Variants in SH3BGRL2 observed in about 807,000 individuals in gnomAD.
The protein encoded by SH3BGRL2 is SH3 domain-binding glutamic acid-rich-like protein 2.
SH3BGRL2 carries 21 observed loss-of-function variants against 14.8 expected under a neutral mutation model. That is an observed-to-expected ratio of 1.42 (90% CI 1.01 to 2.05). The LOEUF (loss-of-function observed/expected upper bound fraction) is 2.05, where lower values mean the gene tolerates loss of function less well. Among genes scored for constraint, SH3BGRL2 ranks in the 30% most tolerant of loss-of-function variants. The probability of loss-of-function intolerance (pLI) is 0.00; values close to 1 mark genes in which losing one functional copy is unlikely to be tolerated. For missense variants in SH3BGRL2, 147 were observed against 130.8 expected, an observed-to-expected ratio of 1.12 and a Z score of -0.61; for synonymous variants, 50 against 47.8, an observed-to-expected ratio of 1.05 and a Z score of -0.19.
the SH3BGRL2 span, among the ~76,000 whole-genome samples, chr6:79,545,623 A>G: frequency 1.3e-5 from 2 of 152,364 alleles, no homozygotes; most frequent in South Asian, 2.1e-4. Context: ...CACTACATGT[A>G]TATAAGTAAC....
At chr6:79,648,304 T>G (rs1769189365) in intron 1 of SH3BGRL2, among the ~76,000 whole-genome samples, 1 of 133,072 alleles carries the variant, frequency 7.5e-6, no homozygotes, top group Non-Finnish European at 1.6e-5. Context: ...TTATATATAA[T>G]ATATATATAA....
At chr6:79,680,153 T>C in intron 2 of SH3BGRL2, among the ~76,000 whole-genome samples, 1 of 152,200 alleles carries the variant, frequency 6.6e-6, no homozygotes, top group East Asian at 1.9e-4. Flanking sequence ...GAAAATCAGT[T>C]TGCCAAATCC....
At chr6:79,544,465 A>G in the SH3BGRL2 span, among the ~76,000 whole-genome samples, 1 of 152,284 alleles carries the variant, frequency 6.6e-6, no homozygotes, top group Non-Finnish European at 1.5e-5. Context: ...TTGCAAGCCA[A>G]TTGATGTCAC....
chr6:79,672,865 A>G (rs544292488), intron 1 of SH3BGRL2, among the ~76,000 whole-genome samples: 3 of 152,328 alleles, frequency 2.0e-5, no homozygotes, highest in African/African-American at 7.2e-5. Flanking sequence ...CAGAGGAATG[A>G]AAAGGGTTAA....
chr6:79,560,584 A>G, the SH3BGRL2 span, among the ~76,000 whole-genome samples: 1 of 152,208 alleles, frequency 6.6e-6, no homozygotes, highest in South Asian at 2.1e-4. Context: ...CTATAAGATT[A>G]TGGCATCGAT....
At chr6:79,679,995 A>G (rs76206866) in intron 2 of SH3BGRL2, among the ~76,000 whole-genome samples, 18,163 of 152,206 alleles carry the variant, frequency 0.12, 1,241 homozygotes, top group Non-Finnish European at 0.15. Flanking sequence ...CTTATCAGCT[A>G]TCTGATTGGC....
intron 2 of SH3BGRL2, among the ~76,000 whole-genome samples, chr6:79,674,342 C>T (rs1769838562): frequency 6.6e-6 from 1 of 151,974 alleles, no homozygotes; most frequent in South Asian, 2.1e-4. Context: ...CAGTGCACCT[C>T]ATATATGAAC....
rs1562142492 is a variant in SH3BGRL2 at position 79,631,431 on chromosome 6, GC to G, written c.-30del. ...TCCACGCCAGCCCGGAGCCCGGGGG[GC>G]AAGGGGTCTGTCCCGGGCGCAGCGA... is the stretch of plus-strand genomic sequence containing the variant. On this transcript the variant is annotated 5_prime_UTR_variant, in exon 1 of 4. Transcript: ENST00000369838. 6 of 1,514,618 alleles carry G rather than the reference GC, an allele frequency of 4.0e-6. No individual in the cohort carries two copies. The highest frequency in any genetic ancestry group is 5.3e-6 in the Non-Finnish European group (6 of 1,131,200). 93.8% of individuals were successfully genotyped at this position (1,514,618 alleles called of 1,614,324 possible).
At chr6:79,675,150 T>C (rs1769855501) in intron 2 of SH3BGRL2, among the ~76,000 whole-genome samples, 1 of 152,154 alleles carries the variant, frequency 6.6e-6, no homozygotes, top group Non-Finnish European at 1.5e-5. Context: ...AGTCAAATAG[T>C]GCTAGAAGGC....
intron 2 of SH3BGRL2, among the ~76,000 whole-genome samples, chr6:79,682,518 C>T (rs1770007701): frequency 6.6e-6 from 1 of 152,142 alleles, no homozygotes; most frequent in Admixed American, 6.5e-5. Flanking sequence ...TTCTGAGCCT[C>T]CATAAATGGT....
At chr6:79,593,399 C>T in the SH3BGRL2 span, among the ~76,000 whole-genome samples, 12 of 152,142 alleles carry the variant, frequency 7.9e-5, no homozygotes, top group African/African-American at 2.7e-4. Flanking sequence ...CAGCTTTTCT[C>T]TATAGGATTC....
At chr6:79,650,922 A>T (rs1440161905) in intron 1 of SH3BGRL2, among the ~76,000 whole-genome samples, 1 of 148,884 alleles carries the variant, frequency 6.7e-6, no homozygotes, top group Admixed American at 6.7e-5. Flanking sequence ...TATATAAATA[A>T]TGTATAAATA....
the SH3BGRL2 span, among the ~76,000 whole-genome samples, chr6:79,572,497 A>G: frequency 1.3e-5 from 2 of 151,184 alleles, no homozygotes; most frequent in African/African-American, 2.4e-5. Flanking sequence ...ACATAGTCTC[A>G]CTCTGTCGCC....
chr6:79,658,598 A>AAATT (rs1769472563), intron 1 of SH3BGRL2, among the ~76,000 whole-genome samples: 1 of 152,230 alleles, frequency 6.6e-6, no homozygotes, highest in African/African-American at 2.4e-5. Context: ...TGCTGGAATA[A>AAATT]ACATATGTGT....
chr6:79,613,091 T>C, the SH3BGRL2 span, among the ~76,000 whole-genome samples: 50 of 152,298 alleles, frequency 3.3e-4, no homozygotes, highest in African/African-American at 1.1e-3. Flanking sequence ...TCCCTGAGGA[T>C]AGGTGTGGGA....
intron 2 of SH3BGRL2, among the ~76,000 whole-genome samples, chr6:79,688,607 A>G (rs2127737644): frequency 6.6e-6 from 1 of 152,270 alleles, no homozygotes; most frequent in Admixed American, 6.5e-5. Context: ...CCTATTTGGA[A>G]ACTTTATGTG....
chr6:79,543,759 G>T, the SH3BGRL2 span, among the ~76,000 whole-genome samples: 1 of 152,154 alleles, frequency 6.6e-6, no homozygotes, highest in African/African-American at 2.4e-5. Flanking sequence ...ACAGACATCA[G>T]TATATTGGTG....
intron 1 of SH3BGRL2, among the ~76,000 whole-genome samples, chr6:79,659,747 G>A (rs953434929): frequency 5.9e-5 from 9 of 152,078 alleles, no homozygotes; most frequent in Non-Finnish European, 7.4e-5. Context: ...CCATTTTCAC[G>A]ATACTGATTC....
At chr6:79,672,534 GTT>G (rs770861634) in intron 1 of SH3BGRL2, among the ~76,000 whole-genome samples, 1 of 148,578 alleles carries the variant, frequency 6.7e-6, no homozygotes, top group African/African-American at 2.4e-5. Flanking sequence ...CAGAGCTTCT[GTT>G]TTTTTTCTTT....
Sources: allele counts gnomAD v4.1 joint callset (sites outside exome capture counted in the v4.1 genomes callset), GRCh38; gene constraint gnomAD v4.1.1; transcripts MANE v1.5; gene names NCBI Gene and HGNC (gene_info 2026-07-23, HGNC 2026-07-21).